CCNQ: variants seen among roughly 807,000 people sequenced by gnomAD.
CCNQ encodes the protein cyclin Q.
Under a neutral mutation model 17.7 loss-of-function variants are expected in CCNQ, and 3 were observed. That is an observed-to-expected ratio of 0.17 (90% confidence interval 0.08 to 0.44). CCNQ has a LOEUF of 0.44. CCNQ is among the 20% of genes least tolerant of loss of function. The pLI is 0.99. For synonymous variants in CCNQ, 73 were observed against 96.0 expected, an observed-to-expected ratio of 0.76 and a Z score of 1.40; for missense variants, 146 against 222.6, an observed-to-expected ratio of 0.66 and a Z score of 2.19.
chrX:153,591,738 G>A (rs782257663), intron 4 of CCNQ, among the ~76,000 whole-genome samples: 36 of 110,600 alleles, frequency 3.3e-4, no homozygotes, highest in East Asian at 5.7e-4. Flanking sequence ...GGGTGCTTCC[G>A]GCTTGAGACT....
Position 153,588,224 on chromosome X carries a change from C to A in CCNQ, c.*141G>T, listed in dbSNP as rs1194994343. 5.1e-6 allele frequency: 3 copies of A among 587,194 alleles called. No individual in the cohort carries two copies. Among genetic ancestry groups the A allele is most frequent in the Non-Finnish European group, 9.2e-6 (3 of 327,677 alleles). 48.4% of individuals were successfully genotyped at this position (587,194 alleles called of 1,213,427 possible). On this transcript the variant is annotated 3_prime_UTR_variant, in exon 5 of 5. Coordinates refer to ENST00000576892, the MANE Select transcript of CCNQ (RefSeq NM_152274.5). ...CTGGCAAAGCGGCAGCATGCCATTG[C>A]CTTCTCCAGCCCTTCTCCAGCAGCA... is the stretch of plus-strand genomic sequence containing the variant.
At chrX:153,598,895 C>A in intron 1 of CCNQ, 67 bp downstream of exon 1, 2 of 851,695 alleles carry the variant, frequency 2.3e-6, no homozygotes, top group Non-Finnish European at 1.5e-6. Context: ...CCGGCCTGGC[C>A]AGCCGGGCCC....
intron 1 of CCNQ, 132 bp downstream of exon 1, chrX:153,598,830 T>A: frequency 2.6e-6 from 1 of 388,021 alleles, no homozygotes; most frequent in Non-Finnish European, 3.8e-6. Flanking sequence ...AAGGCGGAGG[T>A]CCTCAGCCCC....
At chrX:153,593,823 G>C (rs1557026319) in intron 3 of CCNQ, among the ~76,000 whole-genome samples, 2 of 112,082 alleles carry the variant, frequency 1.8e-5, no homozygotes, top group Non-Finnish European at 3.8e-5. Flanking sequence ...GGGGGAGACT[G>C]GGCTAAGGGT....
chrX:153,591,611 A>T (rs1182612495), intron 4 of CCNQ, among the ~76,000 whole-genome samples: 3 of 111,260 alleles, frequency 2.7e-5, no homozygotes, highest in Non-Finnish European at 3.8e-5. Context: ...CCCCCCCCAG[A>T]GTCCAACCCT....
rs373345815 is a variant in CCNQ, at chrX:153,595,991, C to T, written c.296+13G>A. On this transcript the variant is annotated intron_variant, in intron 2 of 4. Transcript: ENST00000576892. ...ACCGGGTGGAGATCAGGAGCCCAGC[C>T]AAATGCCATTACCTGTTGGACACAT... 8.3e-7 allele frequency: 1 copy of T among 1,211,962 alleles called. No homozygotes were observed. The highest frequency in any genetic ancestry group is 2.2e-5 in the Admixed American group (1 of 46,096).
Position 153,588,109 on chromosome X carries a change from G to C in CCNQ, c.*256C>G. 1 of 481,405 alleles carries C rather than the reference G, an allele frequency of 2.1e-6. No individual in the cohort carries two copies. The highest frequency in any genetic ancestry group is 2.3e-5 in the African/African-American group (1 of 42,715). 39.7% of individuals were successfully genotyped at this position (481,405 alleles called of 1,213,427 possible). On this transcript the variant is annotated 3_prime_UTR_variant, in exon 5 of 5. Transcript: ENST00000576892. ...CTCTCAAAGGACAAACGCAGATGTGGCTGCCTTGGGTCAGCTGCACACAGT... is the reference window on the plus strand; with the variant it reads ...CTCTCAAAGGACAAACGCAGATGTGCCTGCCTTGGGTCAGCTGCACACAGT...
intron 4 of CCNQ, among the ~76,000 whole-genome samples, chrX:153,590,897 C>T (rs908275167): frequency 2.1e-4 from 23 of 111,626 alleles, no homozygotes; most frequent in African/African-American, 4.9e-4. Flanking sequence ...GGAGGGCACT[C>T]GGTGTGGCTC....
chrX:153,590,055 C>G (rs782290806), intron 4 of CCNQ, among the ~76,000 whole-genome samples: 1 of 108,303 alleles, frequency 9.2e-6, no homozygotes, highest in African/African-American at 3.4e-5. Flanking sequence ...TGGTGAAACC[C>G]CGTCTCTACT....
intron 2 of CCNQ, 107 bp downstream of exon 2, chrX:153,595,897 C>T: frequency 1.0e-6 from 1 of 959,227 alleles, no homozygotes; most frequent in Non-Finnish European, 1.5e-6. Context: ...CCAGGTACTT[C>T]CTTCCAAGCT....
chrX:153,591,737 C>T (rs1193576275), intron 4 of CCNQ, among the ~76,000 whole-genome samples: 3 of 110,556 alleles, frequency 2.7e-5, no homozygotes, highest in Non-Finnish European at 3.8e-5. Context: ...AGGGTGCTTC[C>T]GGCTTGAGAC....
rs781798421 is a variant in CCNQ at position 153,588,187 on chromosome X, G to A, written c.*178C>T. 3.9e-5 allele frequency: 21 copies of A among 542,278 alleles called. No individual in the cohort carries two copies. Among genetic ancestry groups the A allele is most frequent in the South Asian group, 1.2e-4 (5 of 41,879 alleles). The allele number at this position is 542,278 out of a possible 1,213,427, so 44.7% of individuals were successfully genotyped here. On this transcript the variant is annotated 3_prime_UTR_variant, in exon 5 of 5. Coordinates refer to ENST00000576892, the MANE Select transcript of CCNQ (RefSeq NM_152274.5). ...CGGCTCCCACCATCACCTGCACCGC[G>A]ACTTCTAGGGACTGGCAAAGCGGCA...
chrX:153,594,069 C>T (rs782764605), intron 3 of CCNQ, among the ~76,000 whole-genome samples: 41 of 112,978 alleles, frequency 3.6e-4, no homozygotes, highest in Non-Finnish European at 2.2e-4. Context: ...GAGACTCACA[C>T]ATTCCTAGAA....
chrX:153,598,416 G>GA (rs367834978), intron 1 of CCNQ, among the ~76,000 whole-genome samples: 12,332 of 101,730 alleles, frequency 0.12, 1,091 homozygotes, highest in African/African-American at 0.3. Context: ...ACTCCGTCTC[G>GA]AAAAAAAAAA....
chrX:153,596,488 G>A (rs1214264710), intron 1 of CCNQ, among the ~76,000 whole-genome samples: 1 of 112,477 alleles, frequency 8.9e-6, no homozygotes, highest in Admixed American at 9.4e-5. Flanking sequence ...TATAGACCAC[G>A]CTCTGGGAAA....
At chrX:153,590,630 G>A (rs996743236) in intron 4 of CCNQ, among the ~76,000 whole-genome samples, 3 of 111,904 alleles carry the variant, frequency 2.7e-5, no homozygotes, top group Non-Finnish European at 3.8e-5. Flanking sequence ...TCCGTCCCTG[G>A]GCCGCACACT....
rs370810560 is a variant in CCNQ, at chrX:153,592,661, C to A, written c.502G>T (p.Val168Phe). ...TCCCGCAGCAGGGCCCAGGCGGTGACGGCAACAGGGGTCCGCTGCCAGCTG... is the reference window on the plus strand; with the variant it reads ...TCCCGCAGCAGGGCCCAGGCGGTGAAGGCAACAGGGGTCCGCTGCCAGCTG... ...RHSWQRTPVA[V>F]TAWALLRDSY... The change falls in exon 4 of 5, where the codon GTC becomes TTC. Residue 168 changes from valine to phenylalanine, a missense_variant. Val to Phe is a conservative substitution (Grantham distance 50, BLOSUM62 -1). Transcript: ENST00000576892. The A allele has an allele frequency of 6.6e-6, 8 of 1,210,384 alleles. No homozygotes were observed. The South Asian group carries it at 7.1e-5, about 11-fold the overall frequency.
Position 153,592,697 on chromosome X carries a change from G to T in CCNQ, c.466C>A (p.Leu156Met), listed in dbSNP as rs1557026099. The T allele has an allele frequency of 8.3e-7, 1 of 1,211,224 alleles. No individual in the cohort carries two copies. The change falls in exon 4 of 5, where the codon CTG becomes ATG. Residue 156 changes from leucine (L) to methionine (M), a missense_variant. Transcript: ENST00000576892. ...GTCCGCTGCCAGCTGTGGCGGTTCAGCCAGTTCTGGAGGGAAACCAGGTAG... is the reference window on the plus strand; with the variant it reads ...GTCCGCTGCCAGCTGTGGCGGTTCATCCAGTTCTGGAGGGAAACCAGGTAG... ...LHYLVSLQNW[L>M]NRHSWQRTPV...
intron 2 of CCNQ, 32 bp from the exon 3 acceptor site, chrX:153,594,711 C>G (rs781876804): frequency 8.3e-7 from 1 of 1,208,322 alleles, no homozygotes; most frequent in East Asian, 3.0e-5. Context: ...CTTCAGCAGC[C>G]AGGGCAGTCT....
Sources: gnomAD v4.1 joint callset for allele counts (sites outside exome capture counted in the v4.1 genomes callset) on GRCh38, gnomAD v4.1.1 for gene constraint, MANE v1.5 for transcripts, NCBI Gene and HGNC (gene_info 2026-07-23, HGNC 2026-07-21) for gene names.